Variants in SCAPER observed in about 807,000 individuals in gnomAD.
SCAPER encodes the protein S-phase cyclin A associated protein in the ER, also known as S phase cyclin A-associated protein in the endoplasmic reticulum.
Under a neutral mutation model 182.2 loss-of-function variants are expected in SCAPER, and 98 were observed. That is an observed-to-expected ratio of 0.54 (90% CI 0.46 to 0.64). The LOEUF is 0.64. SCAPER is among the 30% of genes least tolerant of loss of function. The pLI, the probability that SCAPER is intolerant of heterozygous loss-of-function variation, is 0.00. For synonymous variants in SCAPER, 605 were observed against 564.6 expected, an observed-to-expected ratio of 1.07 and a Z score of -1.01; for missense variants, 1,432 against 1,690.0, an observed-to-expected ratio of 0.85 and a Z score of 2.68.
chr15:76,551,978 G>A (rs532927822), intron 23 of SCAPER, among the ~76,000 whole-genome samples: 59 of 150,242 alleles, frequency 3.9e-4, no homozygotes, highest in South Asian at 8.4e-4. Flanking sequence ...CCTGTGACCT[G>A]CAGGTTGTAA....
At chr15:76,473,001 T>C (rs1022281090) in intron 24 of SCAPER, among the ~76,000 whole-genome samples, 1 of 152,214 alleles carries the variant, frequency 6.6e-6, no homozygotes, top group African/African-American at 2.4e-5. Context: ...AATCAGACTT[T>C]CCAGTGGTGC....
chr15:76,721,795 G>A (rs2060260209), intron 17 of SCAPER, among the ~76,000 whole-genome samples: 1 of 152,174 alleles, frequency 6.6e-6, no homozygotes, highest in African/African-American at 2.4e-5. Flanking sequence ...AGACTTTGCT[G>A]AAGTTGCTTA....
At chr15:76,595,364 G>A (rs2049417648) in intron 22 of SCAPER, among the ~76,000 whole-genome samples, 1 of 120,996 alleles carries the variant, frequency 8.3e-6, no homozygotes, top group Non-Finnish European at 2.0e-5. Flanking sequence ...CAATAATAGT[G>A]GGAGACTTTA....
chr15:76,810,793 AC>A lies in SCAPER; in HGVS notation c.394-6161del, dbSNP rs530874594. ...AACAAACTATATGCTAGCTACAAGAACCCCCTTAAGATTCAAGAACACAAAG... is the reference window on the plus strand; with the variant it reads ...AACAAACTATATGCTAGCTACAAGAACCCCTTAAGATTCAAGAACACAAAG... On this transcript the variant is annotated intron_variant, in intron 5 of 31. Coordinates refer to ENST00000563290, the MANE Select transcript of SCAPER (RefSeq NM_020843.4). Among the ~76,000 whole-genome samples the A allele has an allele frequency of 3.4e-3, 511 of 152,138 alleles. 5 individuals carry two copies. The highest frequency in any genetic ancestry group is 0.011 in the African/African-American group (473 of 41,542).
chr15:76,887,274 T>C, intron 1 of SCAPER, among the ~76,000 whole-genome samples: 1 of 152,194 alleles, frequency 6.6e-6, no homozygotes, highest in Non-Finnish European at 1.5e-5. Context: ...TTCCAACTGA[T>C]GTACCTGCTT....
In SCAPER at chr15:76,893,325, T is replaced by C. The variant is rs142345972; in HGVS notation, c.-59-9449A>G. The stretch of plus-strand genomic sequence containing the variant: ...ATGTACCCTAGAACTTAAAGTATAA[T>C]AATAAAAAAAAGTCATTACATAATG... On this transcript the variant is annotated intron_variant, in intron 1 of 31. Transcript: ENST00000563290. Among the ~76,000 whole-genome samples the C allele has an allele frequency of 2.8e-3, 428 of 151,870 alleles. 1 individual carries two copies. Among genetic ancestry groups the C allele is most frequent in the Middle Eastern group, 6.8e-3 (2 of 294 alleles).
intron 1 of SCAPER, among the ~76,000 whole-genome samples, chr15:76,903,631 G>A (rs1465269660): frequency 1.3e-5 from 2 of 152,124 alleles, no homozygotes; most frequent in African/African-American, 4.8e-5. Context: ...CTCCAAAACT[G>A]CAAGAAATGA....
At chr15:76,545,933 C>T (rs1039789998) in intron 23 of SCAPER, among the ~76,000 whole-genome samples, 1 of 152,102 alleles carries the variant, frequency 6.6e-6, no homozygotes, top group Non-Finnish European at 1.5e-5. Flanking sequence ...TAAAAAAAGA[C>T]ATCTCCCATC....
At chr15:76,785,198 C>G (rs532399924) in intron 8 of SCAPER, among the ~76,000 whole-genome samples, 1 of 152,134 alleles carries the variant, frequency 6.6e-6, no homozygotes, top group Non-Finnish European at 1.5e-5. Flanking sequence ...AAAACAACCC[C>G]ATCAAAAAGT....
chr15:76,740,283 TATAAAG>T (rs940045151), intron 15 of SCAPER, among the ~76,000 whole-genome samples: 1 of 152,088 alleles, frequency 6.6e-6, no homozygotes, highest in Non-Finnish European at 1.5e-5. Context: ...AATGACCTAA[TATAAAG>T]ATAAAGATAA....
In SCAPER at chr15:76,765,474, A is replaced by C. The variant is rs967513587; in HGVS notation, c.1496-20T>G. ...CACGAGCTGTTCAGAAAAAAATACT[A>C]TTATTGTTTAGCCACATAGGTCTAT... On this transcript the variant is annotated intron_variant, in intron 12 of 31. Coordinates refer to ENST00000563290, the MANE Select transcript of SCAPER (RefSeq NM_020843.4). The C allele has an allele frequency of 6.2e-7, 1 of 1,611,360 alleles. No individual in the cohort carries two copies. Among genetic ancestry groups the C allele is most frequent in the Admixed American group, 1.7e-5 (1 of 59,858 alleles).
intron 26 of SCAPER, among the ~76,000 whole-genome samples, chr15:76,432,083 A>C (rs1346301551): frequency 1.3e-5 from 2 of 152,246 alleles, no homozygotes; most frequent in Non-Finnish European, 2.9e-5. Flanking sequence ...CTTCCGCTTC[A>C]TCACAGCTAA....
intron 1 of SCAPER, among the ~76,000 whole-genome samples, chr15:76,889,629 A>C (rs1252693519): frequency 6.6e-6 from 1 of 152,238 alleles, no homozygotes; most frequent in Non-Finnish European, 1.5e-5. Context: ...AACTATCCTA[A>C]ATATATACGC....
chr15:76,750,593 G>C (rs527829353), intron 15 of SCAPER, among the ~76,000 whole-genome samples: 1 of 151,966 alleles, frequency 6.6e-6, no homozygotes, highest in Non-Finnish European at 1.5e-5. Flanking sequence ...TTTATTCCTG[G>C]AATGGTACAA....
chr15:76,425,914 G>A (rs1275185000), intron 26 of SCAPER, among the ~76,000 whole-genome samples: 2 of 152,234 alleles, frequency 1.3e-5, no homozygotes, highest in Non-Finnish European at 2.9e-5. Context: ...AGCAGCGGAG[G>A]CTGCAGAACA....
chr15:76,788,307 T>C (rs764542633), intron 8 of SCAPER, among the ~76,000 whole-genome samples: 6 of 152,200 alleles, frequency 3.9e-5, no homozygotes, highest in Non-Finnish European at 8.8e-5. Flanking sequence ...TAAAAACCAA[T>C]GAACTATATA....
chr15:76,656,762 GAAATGGA>G (rs1219127388), intron 21 of SCAPER, among the ~76,000 whole-genome samples: 5 of 152,094 alleles, frequency 3.3e-5, no homozygotes, highest in African/African-American at 1.2e-4. Flanking sequence ...ACCATACAAT[GAAATGGA>G]AATTAAACAA....
At chr15:76,548,535 C>T (rs1198406522) in intron 23 of SCAPER, among the ~76,000 whole-genome samples, 1 of 152,136 alleles carries the variant, frequency 6.6e-6, no homozygotes, top group Non-Finnish European at 1.5e-5. Flanking sequence ...TATTTCGTGG[C>T]AAAGTTATCT....
intron 17 of SCAPER, among the ~76,000 whole-genome samples, chr15:76,706,368 A>C (rs558264776): frequency 6.6e-6 from 1 of 152,314 alleles, no homozygotes; most frequent in East Asian, 1.9e-4. Flanking sequence ...CAAAAAATGG[A>C]CATCAATATT....
Sources: allele counts gnomAD v4.1 joint callset (sites outside exome capture counted in the v4.1 genomes callset), GRCh38; gene constraint gnomAD v4.1.1; transcripts MANE v1.5; gene names NCBI Gene and HGNC (gene_info 2026-07-23, HGNC 2026-07-21).